The following FOXN3 variants were observed in gnomAD, a reference collection of about 807,000 sequenced individuals.
FOXN3 encodes forkhead box protein N3.
FOXN3 carries 7 observed loss-of-function variants against 38.4 expected under a neutral mutation model. The observed-to-expected ratio is 0.18, with a 90% CI of 0.10 to 0.34. FOXN3 has a LOEUF of 0.34. Among genes scored for constraint, FOXN3 ranks in the 10% least tolerant of loss-of-function variants. The pLI is 1.00. For synonymous variants in FOXN3, 230 were observed against 242.2 expected, an observed-to-expected ratio of 0.95 and a Z score of 0.47; for missense variants, 456 against 613.4, an observed-to-expected ratio of 0.74 and a Z score of 2.71.
intron 2 of FOXN3, among the ~76,000 whole-genome samples, chr14:89,370,555 C>T (rs1446001603): frequency 6.6e-6 from 1 of 152,248 alleles, no homozygotes; most frequent in Admixed American, 6.5e-5. Context: ...GTCTCCCCAG[C>T]AAGCGGAAGC....
chr14:89,165,767 A>C (rs948852037), intron 5 of FOXN3, among the ~76,000 whole-genome samples: 5 of 152,226 alleles, frequency 3.3e-5, no homozygotes, highest in African/African-American at 1.2e-4. Context: ...GGTCCTTTTA[A>C]TTTTTGCCAT....
At position 89,350,898 on chromosome 14, in the gene FOXN3, T is replaced by TA; in HGVS notation, c.544-91_544-90insT. On this transcript the variant is annotated intron_variant, in intron 2 of 5. Transcript: ENST00000557258. ...ATGTATAGCTATTATCACTTCTTTA[T>TA]TTTTAAAAGCTTCTCATTTGTTGAC... The TA allele has an allele frequency of 3.0e-6, 3 of 1,004,792 alleles. No homozygotes were observed. In the South Asian group the frequency reaches 7.6e-5, roughly 25 times the overall value. The allele number at this position is 1,004,792 out of a possible 1,614,324, so 62.2% of individuals were successfully genotyped here. A position where few individuals can be genotyped will look rare whatever the true frequency, so the allele number is the denominator to read the frequency against.
intron 2 of FOXN3, among the ~76,000 whole-genome samples, chr14:89,390,658 G>T (rs1235873472): frequency 6.6e-6 from 1 of 152,054 alleles, no homozygotes; most frequent in East Asian, 1.9e-4. Context: ...AGGTATTACA[G>T]AAAATAAAAA....
intron 2 of FOXN3, among the ~76,000 whole-genome samples, chr14:89,400,687 T>TCTG (rs1891221958): frequency 6.6e-6 from 1 of 152,174 alleles, no homozygotes; most frequent in Non-Finnish European, 1.5e-5. Context: ...GACCCCTCTT[T>TCTG]CTGTTCCTTG....
chr14:89,451,061 G>A (rs753562155), intron 1 of FOXN3, among the ~76,000 whole-genome samples: 6 of 152,196 alleles, frequency 3.9e-5, no homozygotes, highest in Non-Finnish European at 8.8e-5. Context: ...GGGGCAGACC[G>A]TGAAGCCGAA....
At position 89,293,825 on chromosome 14, in the gene FOXN3, G is replaced by A. The variant is rs531808520; in HGVS notation, c.681-12811C>T. Among the ~76,000 whole-genome samples the A allele has an allele frequency of 2.6e-5, 4 of 152,220 alleles. No homozygotes were observed. In the South Asian group the frequency reaches 8.3e-4, roughly 32 times the overall value. On this transcript the variant is annotated intron_variant, in intron 3 of 5. Transcript: ENST00000557258. ...TCCCTTCCACATGCAGTCTCTCCAG[G>A]CTATACCAAGACACCTGTGGCTGTC...
intron 1 of FOXN3, among the ~76,000 whole-genome samples, chr14:89,486,892 A>G (rs147343898): frequency 1.3e-5 from 2 of 152,354 alleles, no homozygotes; most frequent in East Asian, 3.9e-4. Context: ...AAGAAGATCC[A>G]GAAATTTGAA....
intron 1 of FOXN3, among the ~76,000 whole-genome samples, chr14:89,587,007 CT>C (rs1427455017): frequency 1.3e-5 from 2 of 152,234 alleles, no homozygotes; most frequent in Non-Finnish European, 2.9e-5. Flanking sequence ...ATAGAGATCT[CT>C]TTTAAAGAAC....
At chr14:89,480,453 AGT>A (rs1386915465) in intron 1 of FOXN3, among the ~76,000 whole-genome samples, 1 of 151,882 alleles carries the variant, frequency 6.6e-6, no homozygotes, top group Non-Finnish European at 1.5e-5. Context: ...TGCTGAACTC[AGT>A]GTGTTGACTT....
chr14:89,514,884 G>A (rs1317302429), intron 1 of FOXN3, among the ~76,000 whole-genome samples: 2 of 151,824 alleles, frequency 1.3e-5, no homozygotes, highest in African/African-American at 2.4e-5. Flanking sequence ...CGACAGCATC[G>A]AGATGGCTAA....
intron 4 of FOXN3, among the ~76,000 whole-genome samples, chr14:89,278,480 C>A (rs1442299232): frequency 6.6e-6 from 1 of 152,146 alleles, no homozygotes; most frequent in Non-Finnish European, 1.5e-5. Context: ...CAAGTTATCC[C>A]CCACCCTGGT....
At chr14:89,494,682 T>C (rs1375860485) in intron 1 of FOXN3, among the ~76,000 whole-genome samples, 1 of 152,222 alleles carries the variant, frequency 6.6e-6, no homozygotes, top group South Asian at 2.1e-4. Flanking sequence ...CCTTGCAAAC[T>C]TTCTGAAGTG....
chr14:89,491,204 G>A (rs902926922), intron 1 of FOXN3, among the ~76,000 whole-genome samples: 3 of 151,690 alleles, frequency 2.0e-5, no homozygotes, highest in Non-Finnish European at 2.9e-5. Flanking sequence ...TCGAACTCCC[G>A]ACCTCAGGTG....
At chr14:89,179,189 T>C (rs930353380) in intron 5 of FOXN3, among the ~76,000 whole-genome samples, 1 of 152,226 alleles carries the variant, frequency 6.6e-6, no homozygotes, top group African/African-American at 2.4e-5. Context: ...AAATATCCCC[T>C]TGTCAGATTA....
intron 3 of FOXN3, among the ~76,000 whole-genome samples, chr14:89,292,151 T>C (rs543306945): frequency 6.6e-6 from 1 of 152,328 alleles, no homozygotes; most frequent in South Asian, 2.1e-4. Flanking sequence ...TGCATCTTCT[T>C]ACTTGCCAAA....
At chr14:89,404,248 G>A (rs145969254) in intron 2 of FOXN3, among the ~76,000 whole-genome samples, 2,136 of 151,734 alleles carry the variant, frequency 0.014, 63 homozygotes, top group African/African-American at 0.049. Context: ...GGTGGCTCAC[G>A]GCTGTAATCT....
chr14:89,537,798 A>G (rs1894719018), intron 1 of FOXN3, among the ~76,000 whole-genome samples: 1 of 152,364 alleles, frequency 6.6e-6, no homozygotes, highest in African/African-American at 2.4e-5. Context: ...CAATTTACAT[A>G]TCTATAAAAG....
At chr14:89,224,562 C>T (rs76073653) in intron 4 of FOXN3, among the ~76,000 whole-genome samples, 292 of 152,276 alleles carry the variant, frequency 1.9e-3, no homozygotes, top group African/African-American at 6.5e-3. Context: ...CTTATTGAGG[C>T]ACCTACTGTG....
At chr14:89,210,116 T>C (rs1304594522) in intron 4 of FOXN3, among the ~76,000 whole-genome samples, 1 of 152,194 alleles carries the variant, frequency 6.6e-6, no homozygotes. Flanking sequence ...TGGATCGGTG[T>C]CCCCACCAAA....
Sources: allele counts gnomAD v4.1 joint callset (sites outside exome capture counted in the v4.1 genomes callset), GRCh38; gene constraint gnomAD v4.1.1; transcripts MANE v1.5; gene names NCBI Gene and HGNC (gene_info 2026-07-23, HGNC 2026-07-21).